Variants in DISC1 observed in about 807,000 individuals in gnomAD.
The protein encoded by DISC1 is DISC1 scaffold protein.
A neutral mutation model predicts 84.5 loss-of-function variants in DISC1; 57 were observed. That is an observed-to-expected ratio of 0.67 (90% confidence interval 0.55 to 0.84). The LOEUF (loss-of-function observed/expected upper bound fraction) is 0.84. Ranked by LOEUF, DISC1 falls within the 40% of genes least tolerant of loss-of-function variation. The pLI, the probability that DISC1 is intolerant of heterozygous loss-of-function variation, is 0.00. For synonymous variants in DISC1, 411 were observed against 415.2 expected, an observed-to-expected ratio of 0.99 and a Z score of 0.12; for missense variants, 1,000 against 1,057.8, an observed-to-expected ratio of 0.95 and a Z score of 0.76.
chr1:231,779,684 G>C (rs368567296), intron 6 of DISC1, among the ~76,000 whole-genome samples: 1 of 150,724 alleles, frequency 6.6e-6, no homozygotes, highest in Non-Finnish European at 1.5e-5. Context: ...CTCAGCCGCC[G>C]GAGTAGCTGG....
At chr1:231,997,071 G>T in intron 10 of DISC1, among the ~76,000 whole-genome samples, 1 of 152,108 alleles carries the variant, frequency 6.6e-6, no homozygotes, top group East Asian at 1.9e-4. Context: ...AAATTATTAT[G>T]TATTATGAAA....
chr1:231,834,626 A>C (rs915542071), intron 9 of DISC1, among the ~76,000 whole-genome samples: 5 of 151,940 alleles, frequency 3.3e-5, no homozygotes, highest in Non-Finnish European at 5.9e-5. Flanking sequence ...GTCAGGTGTA[A>C]GTTGAATAGG....
At chr1:231,659,101 G>T (rs745311881) in intron 1 of DISC1, among the ~76,000 whole-genome samples, 3 of 151,970 alleles carry the variant, frequency 2.0e-5, no homozygotes, top group Non-Finnish European at 2.9e-5. Flanking sequence ...CTGTGAATCT[G>T]TCTGTTCCTG....
chr1:231,987,605 G>A (rs745676810), intron 10 of DISC1, among the ~76,000 whole-genome samples: 1 of 152,126 alleles, frequency 6.6e-6, no homozygotes, highest in African/African-American at 2.4e-5. Flanking sequence ...TTCTTTGCTG[G>A]ATTTCCTTCT....
chr1:231,759,549 A>C (rs926311240), intron 4 of DISC1, among the ~76,000 whole-genome samples: 4 of 139,084 alleles, frequency 2.9e-5, no homozygotes, highest in Non-Finnish European at 3.1e-5. Context: ...AAAAAAAAAA[A>C]AACAAAACTA....
Position 231,861,522 on chromosome 1 carries a change from G to T in DISC1, c.1981+43005G>T, listed in dbSNP as rs568311642. ...GTTTTTTCTCAGAAAGGACATACTT[G>T]ACTGAATTTTTCTCAGAGCCTAATT... On this transcript the variant is annotated intron_variant, in intron 9 of 12. Coordinates refer to ENST00000439617, the MANE Select transcript of DISC1 (RefSeq NM_018662.3). 3.8e-5 allele frequency among the ~76,000 whole-genome samples: 5 copies of T among 130,030 alleles called. 1 individual carries two copies. Among genetic ancestry groups the T allele is most frequent in the African/African-American group, 1.4e-4 (5 of 35,400 alleles). The allele number at this position is 130,030 out of a possible 152,430, so 85.3% of individuals were successfully genotyped here.
At chr1:231,843,173 T>C (rs1000755718) in intron 9 of DISC1, among the ~76,000 whole-genome samples, 8 of 152,030 alleles carry the variant, frequency 5.3e-5, no homozygotes, top group African/African-American at 1.9e-4. Flanking sequence ...ACTCAGGATA[T>C]GTAAAAGTTA....
At chr1:231,849,281 C>T (rs552482029) in intron 9 of DISC1, among the ~76,000 whole-genome samples, 21 of 152,124 alleles carry the variant, frequency 1.4e-4, no homozygotes, top group East Asian at 3.9e-4. Flanking sequence ...CCACCACGCT[C>T]GGCTAATTGT....
At chr1:231,786,997 C>T (rs1426694679) in intron 6 of DISC1, among the ~76,000 whole-genome samples, 1 of 152,192 alleles carries the variant, frequency 6.6e-6, no homozygotes, top group African/African-American at 2.4e-5. Flanking sequence ...AGGATCAGGA[C>T]AGAGCCCTCT....
At chr1:232,036,613 G>A (rs1053649582) in intron 12 of DISC1, 79 bp from the exon 13 acceptor site, 6 of 1,359,988 alleles carry the variant, frequency 4.4e-6, no homozygotes, top group African/African-American at 1.4e-5. Flanking sequence ...CTTCCAGCAG[G>A]CTCACACGCT....
At chr1:231,885,116 T>C (rs1232803104) in intron 9 of DISC1, among the ~76,000 whole-genome samples, 1 of 152,186 alleles carries the variant, frequency 6.6e-6, no homozygotes, top group East Asian at 1.9e-4. Context: ...CACCAGCTGG[T>C]CATAACAGAC....
At chr1:231,976,004 C>T (rs939031599) in intron 10 of DISC1, among the ~76,000 whole-genome samples, 7 of 152,208 alleles carry the variant, frequency 4.6e-5, no homozygotes, top group Non-Finnish European at 4.4e-5. Context: ...TTAGCCTATG[C>T]TCATTAGTTT....
chr1:231,783,399 G>A (rs1249492455), intron 6 of DISC1, among the ~76,000 whole-genome samples: 2 of 152,062 alleles, frequency 1.3e-5, no homozygotes, highest in African/African-American at 2.4e-5. Context: ...TGAACATAAG[G>A]CTGTTCATAT....
At chr1:231,635,503 A>G (rs1287806539) in intron 1 of DISC1, among the ~76,000 whole-genome samples, 1 of 152,128 alleles carries the variant, frequency 6.6e-6, no homozygotes, top group Non-Finnish European at 1.5e-5. Context: ...TTTGTTATGG[A>G]TATAACCTGT....
chr1:231,770,732 C>G, intron 5 of DISC1, 103 bp from the exon 6 acceptor site: 1 of 1,542,408 alleles, frequency 6.5e-7, no homozygotes, highest in Non-Finnish European at 8.8e-7. Flanking sequence ...TTTTGTAGTT[C>G]TGGTGCATAT....
chr1:231,914,071 G>A (rs1463090038), intron 9 of DISC1, among the ~76,000 whole-genome samples: 4 of 152,188 alleles, frequency 2.6e-5, no homozygotes, highest in African/African-American at 9.7e-5. Flanking sequence ...GGCTGGCATG[G>A]CGAGTCCCTG....
intron 12 of DISC1, among the ~76,000 whole-genome samples, chr1:232,029,670 G>A (rs1205442916): frequency 1.3e-5 from 2 of 152,244 alleles, no homozygotes; most frequent in Non-Finnish European, 2.9e-5. Context: ...ACATTGGAAT[G>A]TGATTAATGT....
intron 1 of DISC1, among the ~76,000 whole-genome samples, chr1:231,641,064 C>T (rs1266751107): frequency 6.6e-6 from 1 of 152,174 alleles, no homozygotes; most frequent in Non-Finnish European, 1.5e-5. Flanking sequence ...CACTGATAGG[C>T]CTGAAGGAAA....
chr1:231,756,370 C>G (rs1265081411), intron 4 of DISC1, among the ~76,000 whole-genome samples: 1 of 152,142 alleles, frequency 6.6e-6, no homozygotes, highest in African/African-American at 2.4e-5. Flanking sequence ...TCCTTGAGGA[C>G]AAGACTGTAT....
Sources: gnomAD v4.1 joint callset for allele counts (sites outside exome capture counted in the v4.1 genomes callset) on GRCh38, gnomAD v4.1.1 for gene constraint, MANE v1.5 for transcripts, NCBI Gene and HGNC (gene_info 2026-07-23, HGNC 2026-07-21) for gene names.